Variants in UBR4 observed in about 807,000 individuals in gnomAD.
UBR4 encodes the protein ubiquitin protein ligase E3 component n-recognin 4.
UBR4 carries 124 observed loss-of-function variants against 575.6 expected under a neutral mutation model. That is an observed-to-expected ratio of 0.22 (90% CI 0.19 to 0.25). The LOEUF (loss-of-function observed/expected upper bound fraction) is 0.25, where lower values mean the gene tolerates loss of function less well. UBR4 is among the 10% of genes least tolerant of loss of function. The pLI is 1.00. For synonymous variants in UBR4, 2,455 were observed against 2,473.7 expected (o/e 0.99, Z 0.22); for missense variants, 4,818 against 6,478.8 (o/e 0.74, Z 8.80).
At chr1:19,077,918 G>A in intron 104 of UBR4, 58 bp downstream of exon 104, 1 of 1,612,362 alleles carries the variant, frequency 6.2e-7, no homozygotes, top group Non-Finnish European at 8.5e-7. Flanking sequence ...TCAGGGACAG[G>A]AGTGCAGACA....
chr1:19,131,148 A>T (rs2082376326), intron 60 of UBR4, among the ~76,000 whole-genome samples: 1 of 150,698 alleles, frequency 6.6e-6, no homozygotes, highest in South Asian at 2.1e-4. Context: ...GGCTCAAAAG[A>T]TCCTCCCACT....
In UBR4 at chr1:19,089,958, ATG is replaced by A. The variant is rs1378274498; in HGVS notation, c.14212-983_14212-982del. On this transcript the variant is annotated intron_variant, in intron 97 of 105. Coordinates refer to ENST00000375254, the MANE Select transcript of UBR4 (RefSeq NM_020765.3). The surrounding 1 kb of genome is among the most constrained non-coding windows in gnomAD (Gnocchi z 4.3). ...GTTTACTGTGTGTGCATGCTTGCAC[ATG>A]TGTGTTTTCGGTGCTGGGAAAACAA... is the stretch of plus-strand genomic sequence containing the variant. Among the ~76,000 whole-genome samples the A allele has an allele frequency of 6.6e-6, 1 of 152,226 alleles. No individual in the cohort carries two copies. Among genetic ancestry groups the A allele is most frequent in the Non-Finnish European group, 1.5e-5 (1 of 68,036 alleles).
chr1:19,205,639 CTT>C (rs35944518), intron 1 of UBR4, among the ~76,000 whole-genome samples: 139 of 142,600 alleles, frequency 9.7e-4, no homozygotes, highest in Non-Finnish European at 1.3e-3. Context: ...TGGTGGCGGG[CTT>C]TTTTTTTTTT....
At position 19,147,103 on chromosome 1, in the gene UBR4, C is replaced by T. The variant is rs533882704; in HGVS notation, c.7630-103G>A. The T allele has an allele frequency of 3.0e-6, 4 of 1,316,986 alleles. No individual in the cohort carries two copies. In the African/African-American group the frequency reaches 4.4e-5, roughly 15 times the overall value. The allele number at this position is 1,316,986 out of a possible 1,614,324, so 81.6% of individuals were successfully genotyped here. ...CAGATCACCAGGATTATTACCTCCTCTCAAGAGAACAGGCCAATGAACACC... is the reference window on the plus strand; with the variant it reads ...CAGATCACCAGGATTATTACCTCCTTTCAAGAGAACAGGCCAATGAACACC... On this transcript the variant is annotated intron_variant, in intron 51 of 105. Transcript: ENST00000375254.
At position 19,155,440 on chromosome 1, in the gene UBR4, C is replaced by T; in HGVS notation, c.6300+1G>A. 1.2e-6 allele frequency: 2 copies of T among 1,613,536 alleles called. No individual in the cohort carries two copies. Among genetic ancestry groups the T allele is most frequent in the Non-Finnish European group, 1.7e-6 (2 of 1,179,732 alleles). ...AAGGAAATAGCAACATGTGCTCTAA[C>T]CTTCAGGTCCTCATGATTGATTTCC... is the stretch of plus-strand genomic sequence containing the variant. On this transcript the variant is annotated splice_donor_variant, in intron 43 of 105. Transcript: ENST00000375254. LOFTEE classifies it high-confidence loss of function.
intron 103 of UBR4, chr1:19,078,317 C>T: frequency 4.7e-6 from 2 of 426,904 alleles, no homozygotes; most frequent in Non-Finnish European, 8.6e-6. Context: ...TCTTCCAGAT[C>T]AGGGTAAAAT....
intron 13 of UBR4, 50 bp downstream of exon 13, chr1:19,187,114 T>A (rs759952640): frequency 7.1e-7 from 1 of 1,414,082 alleles, no homozygotes; most frequent in African/African-American, 1.5e-5. Context: ...ATATCATATA[T>A]ATAAAATGAG....
chr1:19,097,182 C>T lies in UBR4; in HGVS notation c.13390+11G>A. ...CAAGCCTCAGATCCAATGTGCAGTG[C>T]CATGATCTACCTGTAGTAGAGTCCA... On this transcript the variant is annotated intron_variant, in intron 91 of 105. Coordinates refer to ENST00000375254, the MANE Select transcript of UBR4 (RefSeq NM_020765.3). 6.2e-7 allele frequency: 1 copy of T among 1,608,212 alleles called. No individual in the cohort carries two copies. Among genetic ancestry groups the T allele is most frequent in the Non-Finnish European group, 8.5e-7 (1 of 1,177,778 alleles).
intron 104 of UBR4, among the ~76,000 whole-genome samples, chr1:19,077,600 G>A (rs1331788536): frequency 1.3e-5 from 2 of 152,194 alleles, no homozygotes; most frequent in Non-Finnish European, 2.9e-5. Flanking sequence ...GGGCGTGGTG[G>A]TGCCTGCCTG....
chr1:19,188,159 G>A (rs2091734676), intron 11 of UBR4, among the ~76,000 whole-genome samples: 1 of 152,080 alleles, frequency 6.6e-6, no homozygotes, highest in Admixed American at 6.5e-5. Flanking sequence ...CAAAGATGCT[G>A]ACTTTTAAAT....
chr1:19,202,543 T>C (rs962674386), intron 1 of UBR4, among the ~76,000 whole-genome samples: 1 of 152,148 alleles, frequency 6.6e-6, no homozygotes, highest in Admixed American at 6.5e-5. Context: ...TAAGAAGTCA[T>C]ATGATCAGTG....
chr1:19,080,214 A>T (rs1168502723), intron 103 of UBR4: 2 of 152,236 alleles, frequency 1.3e-5, no homozygotes, highest in Non-Finnish European at 2.9e-5. Flanking sequence ...GCTCTTGGGA[A>T]ATACTGGAAA....
Position 19,155,467 on chromosome 1 carries a change from A to G in UBR4, c.6274T>C (p.Leu2092=). ...QQGPFYVTNV[L]EINHEDLKDS... ...TTCAGGTCCTCATGATTGATTTCCA[A>G]CACATTAGTGACATAGAAGGGTCCC... is the stretch of plus-strand genomic sequence containing the variant. The change falls in exon 43 of 106, where the codon TTG becomes CTG. Residue 2092 remains leucine, a synonymous_variant. Transcript: ENST00000375254. 1 of 1,614,142 alleles carries G rather than the reference A, an allele frequency of 6.2e-7. No individual in the cohort carries two copies. The highest frequency in any genetic ancestry group is 8.5e-7 in the Non-Finnish European group (1 of 1,179,996).
chr1:19,077,799 G>C (rs1286553012), intron 104 of UBR4, 177 bp downstream of exon 104: 1 of 1,534,228 alleles, frequency 6.5e-7, no homozygotes, highest in South Asian at 1.2e-5. Context: ...CAGACACAAG[G>C]CTCCAGGCTG....
Position 19,160,206 on chromosome 1 carries a change from G to C in UBR4, c.5482C>G (p.Gln1828Glu). 6.2e-7 allele frequency: 1 copy of C among 1,613,854 alleles called. No individual in the cohort carries two copies. The highest frequency in any genetic ancestry group is 8.5e-7 in the Non-Finnish European group (1 of 1,179,992). Residue 1828 changes from glutamine (Q) to glutamate (E), a missense_variant, in exon 39 of 106, where the codon CAA (glutamine) becomes GAA (glutamate). Gln to Glu is a conservative substitution (Grantham distance 29). Transcript: ENST00000375254. ...LMDAIQTNFQ[Q>E]ASAVGSSSRA... ...CTGCTGCTCCCGACGGCTGAAGCTTGCTGGAAGTTGGTCTGAATGGCATCC... is the reference window on the plus strand; with the variant it reads ...CTGCTGCTCCCGACGGCTGAAGCTTCCTGGAAGTTGGTCTGAATGGCATCC...
intron 99 of UBR4, among the ~76,000 whole-genome samples, chr1:19,087,310 G>C (rs1261572682): frequency 2.0e-5 from 3 of 152,242 alleles, no homozygotes; most frequent in African/African-American, 7.2e-5. Context: ...GCCTTCAGGA[G>C]AGCCAGCAGG....
chr1:19,161,360 T>C (rs1241173441), intron 37 of UBR4, among the ~76,000 whole-genome samples: 1 of 152,210 alleles, frequency 6.6e-6, no homozygotes, highest in Non-Finnish European at 1.5e-5. Flanking sequence ...ACGTGTGAAA[T>C]TGTGGGGAGG....
chr1:19,126,351 T>C, intron 64 of UBR4, 95 bp downstream of exon 64: 9 of 1,475,044 alleles, frequency 6.1e-6, no homozygotes, highest in Non-Finnish European at 8.4e-6. Context: ...CTATGGCTCT[T>C]CACCCTCAGC....
In UBR4 at chr1:19,074,866, C is replaced by T; in HGVS notation, c.15518G>A (p.Ser5173Asn). 6.2e-7 allele frequency: 1 copy of T among 1,614,080 alleles called. No individual in the cohort carries two copies. Among genetic ancestry groups the T allele is most frequent in the Non-Finnish European group, 8.5e-7 (1 of 1,179,952 alleles). ...TGAGTTCAACAGGTCCTTCAGGAAG[C>T]TCTCTGGATCGGTGATTTCTGATAA... ...GLLSEITDPE[S>N]FLKDLLNSVP The change falls in exon 106 of 106, where the codon AGC becomes AAC. Residue 5173 changes from serine (S) to asparagine (N), a missense_variant. Physicochemically the swap from Ser to Asn is conservative, Grantham distance 46. This residue lies in a region of UBR4 where 212 missense variants were observed against 221.3 expected (regional missense o/e 0.96). Coordinates refer to ENST00000375254, the MANE Select transcript of UBR4 (RefSeq NM_020765.3).
Sources: allele counts gnomAD v4.1 joint callset (sites outside exome capture counted in the v4.1 genomes callset), GRCh38; gene constraint gnomAD v4.1.1; regional missense constraint gnomAD v4.1.1; non-coding constraint Gnocchi (gnomAD v3.1); transcripts MANE v1.5; gene names NCBI Gene and HGNC (gene_info 2026-07-23, HGNC 2026-07-21).